NRXN3: variants seen among roughly 807,000 people sequenced by gnomAD.
NRXN3 encodes the protein neurexin III.
Under a neutral mutation model 137.6 loss-of-function variants are expected in NRXN3, and 32 were observed. That is an observed-to-expected ratio of 0.23 (90% CI 0.18 to 0.31). The LOEUF (loss-of-function observed/expected upper bound fraction) is 0.31, where lower values mean the gene tolerates loss of function less well. Ranked by LOEUF, NRXN3 falls within the 10% of genes least tolerant of loss-of-function variation. The pLI is 1.00. For synonymous variants in NRXN3, 798 were observed against 784.5 expected (o/e 1.02, Z -0.29); for missense variants, 1,574 against 2,062.5 (o/e 0.76, Z 4.59).
chr14:79,581,839 A>G (rs755613045), intron 16 of NRXN3, among the ~76,000 whole-genome samples: 4 of 152,256 alleles, frequency 2.6e-5, no homozygotes, highest in Non-Finnish European at 5.9e-5. Flanking sequence ...TAAGTAACAT[A>G]AACCTGTATT....
intron 4 of NRXN3, among the ~76,000 whole-genome samples, chr14:78,561,138 G>T (rs367657970): frequency 6.6e-6 from 1 of 152,256 alleles, no homozygotes; most frequent in East Asian, 1.9e-4. Context: ...CAGAAGCTTG[G>T]CTGCTTTTTG....
chr14:78,564,603 T>C (rs2096820812), intron 4 of NRXN3, among the ~76,000 whole-genome samples: 1 of 152,230 alleles, frequency 6.6e-6, no homozygotes, highest in African/African-American at 2.4e-5. Context: ...ACTTATGTAT[T>C]GTACCTTTCC....
rs565471414 is a variant in NRXN3 at position 79,197,848 on chromosome 14, A to G, written c.3262+209707A>G. ...TATTTGATAGCATTTTACCCACTGT[A>G]GGACAGCTTTCAAAATTGTAGTCAA... On this transcript the variant is annotated intron_variant, in intron 15 of 20. Coordinates refer to ENST00000335750, the MANE Select transcript of NRXN3 (RefSeq NM_001330195.2). 2.6e-5 allele frequency among the ~76,000 whole-genome samples: 4 copies of G among 152,340 alleles called. 1 individual carries two copies. In the East Asian group the frequency reaches 5.8e-4, roughly 22 times the overall value.
rs572850002 is a variant in NRXN3 at position 79,740,884 on chromosome 14, C to T, written c.4014+42947C>T. 3.3e-5 allele frequency among the ~76,000 whole-genome samples: 5 copies of T among 150,606 alleles called. No homozygotes were observed. In the East Asian group the frequency reaches 5.9e-4, roughly 18 times the overall value. The stretch of plus-strand genomic sequence containing the variant: ...GCTTATGTTTTCATCCCTTAACACC[C>T]AGCTTAAATGTCACCTCACATACTG... On this transcript the variant is annotated intron_variant, in intron 19 of 20. Transcript: ENST00000335750.
At chr14:79,063,340 A>G (rs766898868) in intron 15 of NRXN3, among the ~76,000 whole-genome samples, 17 of 152,128 alleles carry the variant, frequency 1.1e-4, no homozygotes, top group South Asian at 2.1e-4. Flanking sequence ...CTGGAGTCCA[A>G]TGGCATGATC....
chr14:78,698,396 C>G (rs181853557), intron 6 of NRXN3: 3 of 152,138 alleles, frequency 2.0e-5, no homozygotes, highest in Admixed American at 2.0e-4. Context: ...CTATTGTCAT[C>G]TATTTTCTTT....
At chr14:79,605,241 G>A (rs531161211) in intron 16 of NRXN3, among the ~76,000 whole-genome samples, 133 of 152,236 alleles carry the variant, frequency 8.7e-4, no homozygotes, top group African/African-American at 3.0e-3. Flanking sequence ...TCACCTTGAC[G>A]TCAGCCTTGA....
intron 16 of NRXN3, among the ~76,000 whole-genome samples, chr14:79,496,347 A>C (rs1051409517): frequency 6.6e-6 from 1 of 152,034 alleles, no homozygotes; most frequent in Non-Finnish European, 1.5e-5. Flanking sequence ...TGATCTGATC[A>C]AAGAGTGTCA....
chr14:78,857,249 A>G (rs17757723), intron 10 of NRXN3, among the ~76,000 whole-genome samples: 1 of 152,074 alleles, frequency 6.6e-6, no homozygotes, highest in Non-Finnish European at 1.5e-5. Flanking sequence ...AGACATCCGA[A>G]TGTGTAGATT....
chr14:78,608,874 G>T (rs1355830508), intron 4 of NRXN3, among the ~76,000 whole-genome samples: 1 of 152,164 alleles, frequency 6.6e-6, no homozygotes, highest in African/African-American at 2.4e-5. Flanking sequence ...AGGAGAGGAA[G>T]CTTAAACTGT....
intron 10 of NRXN3, among the ~76,000 whole-genome samples, chr14:78,926,233 C>T (rs934503232): frequency 6.6e-6 from 1 of 151,882 alleles, no homozygotes; most frequent in Admixed American, 6.6e-5. Flanking sequence ...CCTACATATA[C>T]CTATGATAAA....
At chr14:79,035,670 A>T (rs2099614848) in intron 15 of NRXN3, among the ~76,000 whole-genome samples, 1 of 152,082 alleles carries the variant, frequency 6.6e-6, no homozygotes, top group South Asian at 2.1e-4. Context: ...AAATTATATG[A>T]TTTCCGTTTC....
chr14:78,693,190 C>T (rs553994335), intron 6 of NRXN3, among the ~76,000 whole-genome samples: 1 of 152,178 alleles, frequency 6.6e-6, no homozygotes, highest in African/African-American at 2.4e-5. Context: ...AGATGGAAAA[C>T]TGGATGCCTC....
chr14:79,280,266 A>C (rs1598249486), intron 15 of NRXN3: 1 of 1,613,242 alleles, frequency 6.2e-7, no homozygotes, highest in Non-Finnish European at 8.5e-7. Context: ...CAAACTGCCC[A>C]TCTGTAGTGG....
chr14:78,712,328 T>C (rs2098412976), intron 7 of NRXN3, among the ~76,000 whole-genome samples: 1 of 152,166 alleles, frequency 6.6e-6, no homozygotes, highest in African/African-American at 2.4e-5. Context: ...CAATATTGTT[T>C]TGAGGATCAA....
At position 78,592,384 on chromosome 14, in the gene NRXN3, G is replaced by A. The variant is rs574075159; in HGVS notation, c.758-52736G>A. On this transcript the variant is annotated intron_variant, in intron 4 of 20. Coordinates refer to ENST00000335750, the MANE Select transcript of NRXN3 (RefSeq NM_001330195.2). ...GAGTGTGATTCAAGAAGTTATTATC[G>A]TGTGTTCTCTGACACAGGGTGGCTC... Among the ~76,000 whole-genome samples the A allele has an allele frequency of 2.2e-4, 33 of 152,228 alleles. No individual in the cohort carries two copies. In the South Asian group the frequency reaches 5.2e-3, roughly 24 times the overall value.
chr14:79,324,833 T>C (rs1310128590), intron 15 of NRXN3, among the ~76,000 whole-genome samples: 3 of 152,232 alleles, frequency 2.0e-5, no homozygotes, highest in Admixed American at 2.0e-4. Flanking sequence ...TGTGTGTGTA[T>C]ATATGTATAT....
At chr14:79,231,002 T>C (rs2072081944) in intron 15 of NRXN3, among the ~76,000 whole-genome samples, 1 of 152,184 alleles carries the variant, frequency 6.6e-6, no homozygotes, top group African/African-American at 2.4e-5. Context: ...AAGGCACCTA[T>C]TTTGTATGTT....
chr14:79,553,314 G>A (rs897428191), intron 16 of NRXN3, among the ~76,000 whole-genome samples: 1 of 152,040 alleles, frequency 6.6e-6, no homozygotes, highest in Non-Finnish European at 1.5e-5. Flanking sequence ...AGGGGAAGGG[G>A]AGGAAAGGGA....
Sources: allele counts gnomAD v4.1 joint callset (sites outside exome capture counted in the v4.1 genomes callset), GRCh38; gene constraint gnomAD v4.1.1; transcripts MANE v1.5; gene names NCBI Gene and HGNC (gene_info 2026-07-23, HGNC 2026-07-21).